Variants in AFF1 observed in about 807,000 individuals in gnomAD.
AFF1 encodes ALF transcription elongation factor 1.
Under a neutral mutation model 121.7 loss-of-function variants are expected in AFF1, and 48 were observed. That is an observed-to-expected ratio of 0.39 (90% CI 0.31 to 0.50). The LOEUF is 0.50. Among genes scored for constraint, AFF1 ranks in the 20% least tolerant of loss-of-function variants. The pLI, the probability that AFF1 is intolerant of heterozygous loss-of-function variation, is 0.76. For synonymous variants in AFF1, 613 were observed against 563.0 expected (o/e 1.09, Z -1.26); for missense variants, 1,523 against 1,511.7 (o/e 1.01, Z -0.12).
chr4:87,084,755 C>T (rs1279695272), intron 5 of AFF1, among the ~76,000 whole-genome samples: 1 of 152,096 alleles, frequency 6.6e-6, no homozygotes, highest in East Asian at 1.9e-4. Context: ...TTGAAGTCTA[C>T]AAACTGCAAG....
At chr4:87,102,654 A>T (rs1725537498) in intron 8 of AFF1, among the ~76,000 whole-genome samples, 2 of 152,196 alleles carry the variant, frequency 1.3e-5, no homozygotes, top group African/African-American at 4.8e-5. Flanking sequence ...CTGTTTTAGG[A>T]TACCTACCAG....
chr4:86,954,249 CTG>C (rs1721582600), intron 2 of AFF1, among the ~76,000 whole-genome samples: 1 of 152,160 alleles, frequency 6.6e-6, no homozygotes, highest in Non-Finnish European at 1.5e-5. Flanking sequence ...CCTTCAAACA[CTG>C]TGAGGTTTAG....
intron 2 of AFF1, among the ~76,000 whole-genome samples, chr4:86,959,927 A>G (rs762020851): frequency 6.6e-6 from 1 of 152,170 alleles, no homozygotes; most frequent in African/African-American, 2.4e-5. Context: ...TTTTTCTGAC[A>G]GTTGGTTCTA....
chr4:86,999,934 G>A (rs1725552464), intron 2 of AFF1, among the ~76,000 whole-genome samples: 2 of 152,242 alleles, frequency 1.3e-5, no homozygotes, highest in South Asian at 4.1e-4. Flanking sequence ...AATAGATGAT[G>A]AGCCTGGAGC....
intron 2 of AFF1, among the ~76,000 whole-genome samples, chr4:86,964,145 G>C (rs2149471496): frequency 7.8e-6 from 1 of 128,618 alleles, no homozygotes; most frequent in South Asian, 2.4e-4. Context: ...TTTTTTTTGA[G>C]ATGGAGTCTC....
chr4:87,037,912 G>T (rs550458685), intron 2 of AFF1, among the ~76,000 whole-genome samples: 1 of 152,150 alleles, frequency 6.6e-6, no homozygotes, highest in Non-Finnish European at 1.5e-5. Flanking sequence ...ATGGCAAGAA[G>T]TTATGTGGGC....
chr4:87,022,404 AT>A (rs1727993829), intron 2 of AFF1, among the ~76,000 whole-genome samples: 1 of 151,498 alleles, frequency 6.6e-6, no homozygotes, highest in Non-Finnish European at 1.5e-5. Context: ...GATGGAAAGT[AT>A]TACTGAACAC....
chr4:86,942,233 A>C (rs1720516481), intron 1 of AFF1, among the ~76,000 whole-genome samples: 1 of 152,204 alleles, frequency 6.6e-6, no homozygotes, highest in Non-Finnish European at 1.5e-5. Flanking sequence ...CCAAATTCTG[A>C]AATGAGGACA....
At chr4:87,072,168 C>T (rs1722132135) in intron 4 of AFF1, among the ~76,000 whole-genome samples, 2 of 152,064 alleles carry the variant, frequency 1.3e-5, no homozygotes, top group Admixed American at 1.3e-4. Context: ...TCTAGACCAT[C>T]CTGGCTAACA....
At position 87,139,237 on chromosome 4, in the gene AFF1, C is replaced by T; in HGVS notation, c.*3536C>T. 1 of 232,548 alleles carries T rather than the reference C, an allele frequency of 4.3e-6. No homozygotes were observed. Among genetic ancestry groups the T allele is most frequent in the East Asian group, 6.1e-5 (1 of 16,516 alleles). The allele number at this position is 232,548 out of a possible 1,614,324, so 14.4% of individuals were successfully genotyped here. ...TTGTTTCGCCATGGCTTCAGGGATG[C>T]TACATGGCTCTTGCACCTTTTACTC... On this transcript the variant is annotated 3_prime_UTR_variant, in exon 21 of 21. Coordinates refer to ENST00000395146, the MANE Select transcript of AFF1 (RefSeq NM_001166693.3).
intron 8 of AFF1, among the ~76,000 whole-genome samples, chr4:87,102,000 G>A (rs1181333430): frequency 6.6e-6 from 1 of 152,202 alleles, no homozygotes. Context: ...AGTAGCAATC[G>A]GGTTGACTCA....
At chr4:87,098,395 A>G (rs575715462) in intron 8 of AFF1, among the ~76,000 whole-genome samples, 1 of 152,262 alleles carries the variant, frequency 6.6e-6, no homozygotes, top group East Asian at 1.9e-4. Context: ...TGGTTTTGGA[A>G]TCCTCTTCCT....
chr4:87,027,764 TTTG>T (rs1013827292), intron 2 of AFF1, among the ~76,000 whole-genome samples: 29 of 151,786 alleles, frequency 1.9e-4, no homozygotes, highest in African/African-American at 6.5e-4. Flanking sequence ...TCTGAAACTT[TTTG>T]TTGTTGTTGC....
Position 87,108,245 on chromosome 4 carries a change from C to T in AFF1, c.1463C>T (p.Ser488Leu). The change falls in exon 11 of 21, where the codon TCA (serine) becomes TTA (leucine). Residue 488 changes from serine to leucine, a missense_variant. Ser to Leu is a moderately radical substitution (Grantham distance 145). Coordinates refer to ENST00000395146, the MANE Select transcript of AFF1 (RefSeq NM_001166693.3). ...SESTSDSDSSSDSESESSSSD... is the reference protein window; with the variant it reads ...SESTSDSDSSLDSESESSSSD... ...AGCACCAGTGACTCAGACAGTTCCT[C>T]AGACTCAGAGAGCGAGAGCAGTTCA... 6.2e-7 allele frequency: 1 copy of T among 1,614,138 alleles called. No homozygotes were observed.
chr4:87,121,489 C>T (rs917539528), intron 12 of AFF1, among the ~76,000 whole-genome samples: 2 of 152,206 alleles, frequency 1.3e-5, no homozygotes, highest in Non-Finnish European at 2.9e-5. Context: ...AGCTGAATTT[C>T]TGTGCCAACT....
In AFF1 at chr4:87,139,839, C is replaced by T. The variant is rs773603716; in HGVS notation, c.*4138C>T. On this transcript the variant is annotated 3_prime_UTR_variant, in exon 21 of 21. Coordinates refer to ENST00000395146, the MANE Select transcript of AFF1 (RefSeq NM_001166693.3). ...ATGCAATCCAGTTGTGTTGGTTTCTCGGTGACTTGGAGTGTTCATCTCTTC... is the reference window on the plus strand; with the variant it reads ...ATGCAATCCAGTTGTGTTGGTTTCTTGGTGACTTGGAGTGTTCATCTCTTC... The T allele has an allele frequency of 5.3e-5, 12 of 224,438 alleles. No individual in the cohort carries two copies. The South Asian group carries it at 5.5e-4, about 10-fold the overall frequency. The allele number at this position is 224,438 out of a possible 1,614,324, so 13.9% of individuals were successfully genotyped here.
chr4:87,116,124 C>T (rs1279535782), intron 12 of AFF1, among the ~76,000 whole-genome samples: 1 of 152,218 alleles, frequency 6.6e-6, no homozygotes, highest in South Asian at 2.1e-4. Flanking sequence ...CACCTCTTTA[C>T]AGTTACTAAC....
intron 2 of AFF1, among the ~76,000 whole-genome samples, chr4:86,961,086 AG>A (rs902849160): frequency 2.0e-5 from 3 of 152,200 alleles, no homozygotes; most frequent in African/African-American, 7.2e-5. Flanking sequence ...AGAGTATTGA[AG>A]GCCTTCCATT....
intron 4 of AFF1, among the ~76,000 whole-genome samples, chr4:87,069,104 G>A (rs1721692293): frequency 6.6e-6 from 1 of 151,982 alleles, no homozygotes; most frequent in Non-Finnish European, 1.5e-5. Context: ...TGTGTTAGGG[G>A]CTAACATGGA....
Sources: gnomAD v4.1 joint callset for allele counts (sites outside exome capture counted in the v4.1 genomes callset) on GRCh38, gnomAD v4.1.1 for gene constraint, MANE v1.5 for transcripts, NCBI Gene and HGNC (gene_info 2026-07-23, HGNC 2026-07-21) for gene names.